CEP85L: variants seen among roughly 807,000 people sequenced by gnomAD.
CEP85L encodes centrosomal protein of 85 kDa-like.
In CEP85L, 60 loss-of-function variants were observed where a neutral mutation model predicts 100.3. The ratio of observed to expected loss-of-function variants is 0.60; its 90% CI spans 0.49 to 0.74. The LOEUF is 0.74. Ranked by LOEUF, CEP85L falls within the 30% of genes least tolerant of loss-of-function variation. The pLI, the probability that CEP85L is intolerant of heterozygous loss-of-function variation, is 0.00. For missense variants in CEP85L, 973 were observed against 936.2 expected (o/e 1.04, Z -0.51); for synonymous variants, 319 against 322.7 (o/e 0.99, Z 0.12).
chr6:118,491,196 T>TACACACACACACACAC (rs1160030823), intron 6 of CEP85L, among the ~76,000 whole-genome samples: 3 of 116,430 alleles, frequency 2.6e-5, no homozygotes, highest in Admixed American at 8.0e-5. Flanking sequence ...CCAACATCTA[T>TACACACACACACACAC]ACACACACAC....
At chr6:118,512,872 A>C (rs1483849326) in intron 4 of CEP85L, among the ~76,000 whole-genome samples, 1 of 152,206 alleles carries the variant, frequency 6.6e-6, no homozygotes, top group East Asian at 1.9e-4. Context: ...TGGGAGTACA[A>C]AAAAAGCAGA....
At chr6:118,590,617 A>G (rs1781132744) in intron 2 of CEP85L, among the ~76,000 whole-genome samples, 1 of 152,086 alleles carries the variant, frequency 6.6e-6, no homozygotes, top group Admixed American at 6.6e-5. Context: ...GCCTCCTAAT[A>G]TAACTGGCTC....
chr6:118,564,873 A>T (rs1309484352), intron 3 of CEP85L, among the ~76,000 whole-genome samples: 1 of 152,162 alleles, frequency 6.6e-6, no homozygotes, highest in Non-Finnish European at 1.5e-5. Context: ...AGATTAAGAA[A>T]TTTACACATT....
intron 5 of CEP85L, among the ~76,000 whole-genome samples, chr6:118,499,896 C>A (rs1775166707): frequency 6.6e-6 from 1 of 151,616 alleles, no homozygotes; most frequent in Non-Finnish European, 1.5e-5. Context: ...TGCAATAAGA[C>A]AAAAAGAGTA....
intron 1 of CEP85L, among the ~76,000 whole-genome samples, chr6:118,678,422 C>G (rs541378156): frequency 3.2e-4 from 49 of 152,312 alleles, no homozygotes; most frequent in African/African-American, 1.1e-3. Flanking sequence ...GTCCTTCATT[C>G]CCAAAGGCAG....
intron 2 of CEP85L, among the ~76,000 whole-genome samples, chr6:118,594,445 GA>G (rs1392388599): frequency 1.3e-5 from 2 of 152,066 alleles, no homozygotes. Context: ...AATTAGATAA[GA>G]AAATTATCTC....
At chr6:118,473,150 C>T (rs1384915403) in intron 10 of CEP85L, among the ~76,000 whole-genome samples, 1 of 152,180 alleles carries the variant, frequency 6.6e-6, no homozygotes, top group Non-Finnish European at 1.5e-5. Flanking sequence ...TTGCCAAACA[C>T]TGTTCTGTTC....
intron 4 of CEP85L, among the ~76,000 whole-genome samples, chr6:118,511,949 A>C (rs576631618): frequency 6.6e-6 from 1 of 151,814 alleles, no homozygotes; most frequent in South Asian, 2.1e-4. Flanking sequence ...CAAATAATTT[A>C]AAGCTTTACA....
upstream of CEP85L, chr6:118,651,759 C>T: frequency 5.1e-6 from 5 of 986,654 alleles, no homozygotes; most frequent in Non-Finnish European, 6.0e-6. Context: ...TCCTTGGCGG[C>T]GACTGGGCTG....
rs552967311 is a variant in CEP85L, at chr6:118,547,089, G to C, written c.1020+18440C>G. Among the ~76,000 whole-genome samples, 10 of 152,154 alleles carry C rather than the reference G, an allele frequency of 6.6e-5. No individual in the cohort carries two copies. The South Asian group carries it at 1.2e-3, about 19-fold the overall frequency. The stretch of plus-strand genomic sequence containing the variant: ...CCCATAAGAAAGTGAAGTGGGCTAA[G>C]TTCACTCTGTCATAAGCATTTAAAA... On this transcript the variant is annotated intron_variant, in intron 3 of 12. Coordinates refer to ENST00000368491, the MANE Select transcript of CEP85L (RefSeq NM_001042475.3).
intron 1 of CEP85L, among the ~76,000 whole-genome samples, chr6:118,689,391 A>C (rs898068972): frequency 6.6e-6 from 1 of 152,202 alleles, no homozygotes; most frequent in African/African-American, 2.4e-5. Flanking sequence ...TCAAAACTTC[A>C]ACCTTTCAGG....
intron 2 of CEP85L, among the ~76,000 whole-genome samples, chr6:118,568,728 G>A (rs1379466561): frequency 1.3e-5 from 2 of 152,146 alleles, no homozygotes; most frequent in Non-Finnish European, 2.9e-5. Context: ...CAAACACAGT[G>A]ATTAACAGAC....
chr6:118,688,540 A>T (rs563314801), intron 1 of CEP85L, among the ~76,000 whole-genome samples: 19 of 152,362 alleles, frequency 1.2e-4, no homozygotes, highest in Admixed American at 3.9e-4. Context: ...CAGTTTGATC[A>T]TGCAATGTAT....
chr6:118,491,910 T>C (rs1393640604), intron 5 of CEP85L, 45 bp from the exon 6 acceptor site: 5 of 1,459,978 alleles, frequency 3.4e-6, no homozygotes, highest in Non-Finnish European at 4.7e-6. Context: ...AAAGTTTGTC[T>C]TGAACAAATG....
intron 1 of CEP85L, among the ~76,000 whole-genome samples, chr6:118,692,759 C>A (rs1777086513): frequency 3.2e-5 from 2 of 62,566 alleles, no homozygotes; most frequent in African/African-American, 5.7e-5. Flanking sequence ...GCAGAAGAAA[C>A]AAGACATAGA....
At chr6:118,550,368 A>C (rs993349090) in intron 3 of CEP85L, among the ~76,000 whole-genome samples, 1 of 151,816 alleles carries the variant, frequency 6.6e-6, no homozygotes, top group Non-Finnish European at 1.5e-5. Flanking sequence ...TGTACACTAA[A>C]TTATGTAATA....
intron 1 of CEP85L, among the ~76,000 whole-genome samples, chr6:118,670,318 T>C (rs1776261995): frequency 1.3e-5 from 2 of 151,992 alleles, no homozygotes; most frequent in African/African-American, 4.8e-5. Context: ...GTAAGGATTA[T>C]TTTGTCATCC....
intron 3 of CEP85L, among the ~76,000 whole-genome samples, chr6:118,528,556 TCTTC>T (rs763999359): frequency 6.6e-6 from 1 of 152,162 alleles, no homozygotes; most frequent in Non-Finnish European, 1.5e-5. Flanking sequence ...CCAGCAGCAG[TCTTC>T]CTTATGATAG....
intron 3 of CEP85L, among the ~76,000 whole-genome samples, chr6:118,563,716 G>A (rs2114988770): frequency 6.6e-6 from 1 of 152,284 alleles, no homozygotes; most frequent in Non-Finnish European, 1.5e-5. Context: ...CTCCCAAATT[G>A]CTGGGATTAC....
Sources: gnomAD v4.1 joint callset for allele counts (sites outside exome capture counted in the v4.1 genomes callset) on GRCh38, gnomAD v4.1.1 for gene constraint, MANE v1.5 for transcripts, NCBI Gene and HGNC (gene_info 2026-07-23, HGNC 2026-07-21) for gene names.